TMEM117: variants seen among roughly 807,000 people sequenced by gnomAD.
TMEM117 encodes the protein transmembrane protein 117.
A neutral mutation model predicts 52.4 loss-of-function variants in TMEM117; 27 were observed. That is an observed-to-expected ratio of 0.51 (90% CI 0.38 to 0.71). TMEM117 has a LOEUF of 0.71. Ranked by LOEUF, TMEM117 falls within the 30% of genes least tolerant of loss-of-function variation. The pLI, the probability that TMEM117 is intolerant of heterozygous loss-of-function variation, is 0.00. For missense variants in TMEM117, 556 were observed against 630.5 expected, an observed-to-expected ratio of 0.88 and a Z score of 1.26; for synonymous variants, 215 against 206.3, an observed-to-expected ratio of 1.04 and a Z score of -0.36.
At chr12:43,814,447 C>T in the TMEM117 span, among the ~76,000 whole-genome samples, 1 of 152,150 alleles carries the variant, frequency 6.6e-6, no homozygotes, top group East Asian at 1.9e-4. Context: ...TAGATGTTAT[C>T]TCACCTAACC....
intron 5 of TMEM117, among the ~76,000 whole-genome samples, chr12:44,213,521 C>A (rs1368141892): frequency 6.6e-6 from 1 of 152,186 alleles, no homozygotes; most frequent in Non-Finnish European, 1.5e-5. Flanking sequence ...ACACATGTTT[C>A]TTATTAGTGT....
intron 3 of TMEM117, among the ~76,000 whole-genome samples, chr12:44,035,056 C>A (rs1448529714): frequency 2.0e-5 from 3 of 152,200 alleles, no homozygotes; most frequent in African/African-American, 7.2e-5. Flanking sequence ...GGTTGTCAGG[C>A]TTTCAGACCT....
intron 6 of TMEM117, among the ~76,000 whole-genome samples, chr12:44,324,104 A>G (rs1951167424): frequency 6.6e-6 from 1 of 152,086 alleles, no homozygotes; most frequent in Non-Finnish European, 1.5e-5. Flanking sequence ...TGTTATCTTG[A>G]GGTAGAACCT....
chr12:44,283,584 A>G (rs1358821414), intron 5 of TMEM117, among the ~76,000 whole-genome samples: 4 of 151,894 alleles, frequency 2.6e-5, no homozygotes, highest in African/African-American at 9.7e-5. Context: ...TTTACCCAAT[A>G]CCTGTACCCC....
chr12:43,932,458 G>T (rs1224812352), intron 2 of TMEM117, among the ~76,000 whole-genome samples: 1 of 151,468 alleles, frequency 6.6e-6, no homozygotes, highest in African/African-American at 2.4e-5. Context: ...TTTAACTTGG[G>T]CTTGGATAGT....
intron 2 of TMEM117, among the ~76,000 whole-genome samples, chr12:43,939,260 T>C (rs1945005947): frequency 6.6e-6 from 1 of 152,176 alleles, no homozygotes; most frequent in African/African-American, 2.4e-5. Context: ...GTGGGCCAAA[T>C]CATATATAGG....
intron 3 of TMEM117, among the ~76,000 whole-genome samples, chr12:44,008,016 G>A (rs577093677): frequency 5.9e-5 from 9 of 152,190 alleles, no homozygotes; most frequent in African/African-American, 2.2e-4. Flanking sequence ...CATAAATACA[G>A]GCCTCCCCTT....
At chr12:44,088,144 T>C (rs2138034613) in intron 3 of TMEM117, among the ~76,000 whole-genome samples, 1 of 152,318 alleles carries the variant, frequency 6.6e-6, no homozygotes, top group Non-Finnish European at 1.5e-5. Context: ...TTAGTTCTGT[T>C]ATAAAAACAG....
intron 2 of TMEM117, among the ~76,000 whole-genome samples, chr12:43,942,585 T>A (rs187591445): frequency 1.3e-5 from 2 of 152,252 alleles, no homozygotes; most frequent in East Asian, 3.9e-4. Context: ...AGGCCAAGAA[T>A]CCATGGCATG....
the TMEM117 span, among the ~76,000 whole-genome samples, chr12:43,817,790 A>T: frequency 6.6e-6 from 1 of 152,202 alleles, no homozygotes; most frequent in Non-Finnish European, 1.5e-5. Flanking sequence ...ATAATTCTCC[A>T]CTTGCATAAA....
At chr12:44,101,705 C>T (rs569763384) in intron 3 of TMEM117, among the ~76,000 whole-genome samples, 5 of 152,052 alleles carry the variant, frequency 3.3e-5, no homozygotes, top group East Asian at 1.9e-4. Context: ...CCTCAGAGAC[C>T]GGCTGTCATT....
intron 5 of TMEM117, among the ~76,000 whole-genome samples, chr12:44,274,884 T>C (rs570995337): frequency 6.6e-6 from 1 of 152,120 alleles, no homozygotes; most frequent in African/African-American, 2.4e-5. Context: ...CTCCAGAACA[T>C]TGGTCTGGGA....
upstream of TMEM117, chr12:43,836,000 C>G (rs1053346056): frequency 6.6e-6 from 1 of 151,280 alleles, no homozygotes; most frequent in Non-Finnish European, 1.5e-5. Context: ...CGGTGAAGCA[C>G]CGGCGCGGAG....
chr12:44,312,506 A>T (rs529825610), intron 6 of TMEM117, among the ~76,000 whole-genome samples: 3 of 151,904 alleles, frequency 2.0e-5, no homozygotes, highest in African/African-American at 7.2e-5. Flanking sequence ...TATCCAATCC[A>T]CCGCTGTTGG....
At chr12:44,044,949 A>T (rs1309925713) in intron 3 of TMEM117, among the ~76,000 whole-genome samples, 1 of 152,206 alleles carries the variant, frequency 6.6e-6, no homozygotes, top group Non-Finnish European at 1.5e-5. Flanking sequence ...ATGACTGGAA[A>T]ATTGGTGACA....
At chr12:44,171,106 C>G (rs1409308148) in intron 4 of TMEM117, among the ~76,000 whole-genome samples, 2 of 151,088 alleles carry the variant, frequency 1.3e-5, no homozygotes, top group African/African-American at 4.9e-5. Context: ...AGCTCCACCT[C>G]CCGGGTTCAC....
intron 6 of TMEM117, among the ~76,000 whole-genome samples, chr12:44,350,172 T>TA (rs1003762775): frequency 6.6e-6 from 1 of 152,016 alleles, no homozygotes; most frequent in African/African-American, 2.4e-5. Flanking sequence ...AAGCTTGTCT[T>TA]ACATACTCTT....
chr12:44,057,345 G>A (rs1241554181), intron 3 of TMEM117, among the ~76,000 whole-genome samples: 1 of 152,094 alleles, frequency 6.6e-6, no homozygotes, highest in Non-Finnish European at 1.5e-5. Context: ...CTTGTAGTGG[G>A]AGACAAATAA....
chr12:44,065,066 T>C (rs1337421837), intron 3 of TMEM117, among the ~76,000 whole-genome samples: 1 of 152,072 alleles, frequency 6.6e-6, no homozygotes, highest in East Asian at 1.9e-4. Context: ...TCTGATAAAA[T>C]AAAGATAAAA....
Sources: allele counts gnomAD v4.1 joint callset (sites outside exome capture counted in the v4.1 genomes callset), GRCh38; gene constraint gnomAD v4.1.1; transcripts MANE v1.5; gene names NCBI Gene and HGNC (gene_info 2026-07-23, HGNC 2026-07-21).